The following SLC28A1 variants were observed in gnomAD, a reference collection of about 807,000 sequenced individuals.
SLC28A1 encodes the protein sodium/nucleoside cotransporter 1.
SLC28A1 carries 64 observed loss-of-function variants against 74.8 expected under a neutral mutation model. That is an observed-to-expected ratio of 0.86 (90% CI 0.70 to 1.05). SLC28A1 has a LOEUF of 1.05. Ranked by LOEUF, SLC28A1 falls within the 50% of genes least tolerant of loss-of-function variation. The pLI, the probability that SLC28A1 is intolerant of heterozygous loss-of-function variation, is 0.00. For synonymous variants in SLC28A1, 359 were observed against 335.0 expected, an observed-to-expected ratio of 1.07 and a Z score of -0.78; for missense variants, 828 against 822.8, an observed-to-expected ratio of 1.01 and a Z score of -0.08.
rs765954509 is a variant in SLC28A1, at chr15:84,920,991, T to G, written c.879T>G (p.Ile293Met). ...VGLMQWVILKIAWLMQVTMGT... is the reference protein window; with the variant it reads ...VGLMQWVILKMAWLMQVTMGT... Reference sequence around the variant, plus strand: ...AAGAACATTCTGCTTCCTTCTAGATTGCCTGGCTGATGCAAGTCACCATGG... The same window carrying G: ...AAGAACATTCTGCTTCCTTCTAGATGGCCTGGCTGATGCAAGTCACCATGG... Residue 293 changes from isoleucine to methionine, a missense_variant and splice_region_variant, in exon 11 of 19, where the codon ATT (isoleucine) becomes ATG (methionine). By Grantham distance (10) the Ile-to-Met change is conservative. Transcript: ENST00000394573. The G allele has an allele frequency of 3.1e-6, 5 of 1,613,478 alleles. No individual in the cohort carries two copies. The highest frequency in any genetic ancestry group is 4.2e-6 in the Non-Finnish European group (5 of 1,179,416).
the SLC28A1 span, among the ~76,000 whole-genome samples, chr15:84,956,468 C>CTTTCTTTCTTTCTTTCT: frequency 1.5e-5 from 1 of 67,054 alleles, no homozygotes; most frequent in Non-Finnish European, 3.4e-5. Flanking sequence ...TCTTTCTTTC[C>CTTTCTTTCTTTCTTTCT]TTCTTTCTTT....
chr15:84,973,785 T>C, the SLC28A1 span, among the ~76,000 whole-genome samples: 1 of 152,336 alleles, frequency 6.6e-6, no homozygotes, highest in South Asian at 2.1e-4. Flanking sequence ...CATCACTGTA[T>C]TCTCAGTGAT....
chr15:84,928,227 G>C (rs894050490), intron 12 of SLC28A1, among the ~76,000 whole-genome samples: 1 of 152,170 alleles, frequency 6.6e-6, no homozygotes, highest in Non-Finnish European at 1.5e-5. Flanking sequence ...GTGCCCTTGA[G>C]CCTCCATTTT....
chr15:84,951,888 A>G, the SLC28A1 span, among the ~76,000 whole-genome samples: 2 of 152,210 alleles, frequency 1.3e-5, no homozygotes, highest in Admixed American at 1.3e-4. Flanking sequence ...GCCAAACTGC[A>G]AAGTTTTCCA....
the SLC28A1 span, among the ~76,000 whole-genome samples, chr15:84,956,067 C>T: frequency 6.6e-6 from 1 of 152,182 alleles, no homozygotes; most frequent in Admixed American, 6.5e-5. Context: ...TAATTCCCTC[C>T]CCATCCCTGA....
chr15:84,943,866 T>C (rs1371987739), intron 16 of SLC28A1, among the ~76,000 whole-genome samples: 1 of 151,072 alleles, frequency 6.6e-6, no homozygotes, highest in African/African-American at 2.4e-5. Flanking sequence ...ATCGCACCAC[T>C]GCACTCCAGC....
intron 9 of SLC28A1, among the ~76,000 whole-genome samples, chr15:84,914,763 C>T (rs1057227610): frequency 1.3e-5 from 2 of 152,138 alleles, no homozygotes; most frequent in African/African-American, 4.8e-5. Context: ...ATCCTGCAGG[C>T]CCCAGAGGTG....
At chr15:84,943,878 T>A (rs1972995900) in intron 16 of SLC28A1, among the ~76,000 whole-genome samples, 1 of 151,298 alleles carries the variant, frequency 6.6e-6, no homozygotes. Context: ...CACTCCAGCC[T>A]GGGCTACAGA....
At chr15:84,895,939 G>T in intron 6 of SLC28A1, 2 of 989,368 alleles carry the variant, frequency 2.0e-6, no homozygotes, top group Middle Eastern at 5.2e-4. Context: ...ACAGCAAAAT[G>T]ATTTGAGCCA....
intron 11 of SLC28A1, among the ~76,000 whole-genome samples, chr15:84,922,101 G>A (rs1317554976): frequency 2.6e-5 from 4 of 152,166 alleles, no homozygotes; most frequent in African/African-American, 9.7e-5. Flanking sequence ...GGCATCATTT[G>A]AACCTCTCTA....
intron 5 of SLC28A1, among the ~76,000 whole-genome samples, chr15:84,892,013 C>G (rs1004600080): frequency 6.6e-6 from 1 of 151,898 alleles, no homozygotes; most frequent in African/African-American, 2.4e-5. Context: ...TTTGCAGGAG[C>G]AAGCTCACCT....
At chr15:84,967,843 G>A in the SLC28A1 span, among the ~76,000 whole-genome samples, 1 of 152,190 alleles carries the variant, frequency 6.6e-6, no homozygotes, top group East Asian at 1.9e-4. Flanking sequence ...GGGTTTGTGG[G>A]TGAGTCTGAG....
At position 84,888,693 on chromosome 15, in the gene SLC28A1, G is replaced by A. The variant is rs1031405055; in HGVS notation, c.97-79G>A. 15 of 956,472 alleles carry A rather than the reference G, an allele frequency of 1.6e-5. 1 individual carries two copies. The highest frequency in any genetic ancestry group is 6.9e-5 in the South Asian group (5 of 72,228). 59.2% of individuals were successfully genotyped at this position (956,472 alleles called of 1,614,324 possible). A position where few individuals can be genotyped will look rare whatever the true frequency, so the allele number is the denominator to read the frequency against. The stretch of plus-strand genomic sequence containing the variant: ...TCCCCTCCTCAGCCAGGGTCTCACC[G>A]TGGCCCCCGACCCCCAGCTGTAAGT... On this transcript the variant is annotated intron_variant, in intron 3 of 18. Transcript: ENST00000394573.
chr15:84,922,687 T>A (rs1235464479), intron 11 of SLC28A1, among the ~76,000 whole-genome samples: 2 of 152,186 alleles, frequency 1.3e-5, no homozygotes, highest in Non-Finnish European at 2.9e-5. Context: ...TCACCGTGGC[T>A]TCCTAGCCCC....
intron 15 of SLC28A1, chr15:84,938,504 A>G (rs1225828069): frequency 1.3e-5 from 2 of 152,126 alleles, no homozygotes; most frequent in Non-Finnish European, 2.9e-5. Flanking sequence ...TTTAGTATGT[A>G]TGCTGCCGAA....
intron 6 of SLC28A1, among the ~76,000 whole-genome samples, chr15:84,901,426 G>T (rs993619924): frequency 6.6e-6 from 1 of 151,950 alleles, no homozygotes; most frequent in Non-Finnish European, 1.5e-5. Context: ...AGAATTGCTC[G>T]AACCCAGGAG....
Position 84,920,874 on chromosome 15 carries a change from G to T in SLC28A1, c.877-115G>T. On this transcript the variant is annotated intron_variant, in intron 10 of 18. Coordinates refer to ENST00000394573, the MANE Select transcript of SLC28A1 (RefSeq NM_004213.5). ...CTTTTGGGAAAATGTAGATGAAGGGGTCCTACACTGGGCTGGGAGTTGGGA... is the reference window on the plus strand; with the variant it reads ...CTTTTGGGAAAATGTAGATGAAGGGTTCCTACACTGGGCTGGGAGTTGGGA... The T allele has an allele frequency of 3.7e-6, 3 of 813,300 alleles. No homozygotes were observed. The South Asian group carries it at 4.0e-5, about 11-fold the overall frequency. 50.4% of individuals were successfully genotyped at this position (813,300 alleles called of 1,614,324 possible).
chr15:84,908,335 C>G (rs1009632292), intron 8 of SLC28A1, among the ~76,000 whole-genome samples: 4 of 152,074 alleles, frequency 2.6e-5, no homozygotes, highest in East Asian at 1.9e-4. Context: ...AGGTGCCCAC[C>G]ACCATGCTCA....
At chr15:84,952,313 T>C in the SLC28A1 span, among the ~76,000 whole-genome samples, 1 of 152,314 alleles carries the variant, frequency 6.6e-6, no homozygotes, top group East Asian at 1.9e-4. Context: ...ATCTTTCCTA[T>C]CTTTCCAAGG....
Sources: allele counts gnomAD v4.1 joint callset (sites outside exome capture counted in the v4.1 genomes callset), GRCh38; gene constraint gnomAD v4.1.1; transcripts MANE v1.5; gene names NCBI Gene and HGNC (gene_info 2026-07-23, HGNC 2026-07-21).